DST: variants seen among roughly 807,000 people sequenced by gnomAD.
The protein encoded by DST is dystonin, also known as bullous pemphigoid antigen.
In DST, 253 loss-of-function variants were observed where a neutral mutation model predicts 875.2. That is an observed-to-expected ratio of 0.29 (90% CI 0.26 to 0.32). DST has a LOEUF of 0.32. Among genes scored for constraint, DST ranks in the 10% least tolerant of loss-of-function variants. The pLI is 1.00. For synonymous variants in DST, 3,124 were observed against 3,197.1 expected (o/e 0.98, Z 0.77); for missense variants, 8,287 against 9,111.6 (o/e 0.91, Z 3.68).
intron 31 of DST, 92 bp from the exon 32 acceptor site, chr6:56,629,535 T>G (rs922593239): frequency 4.2e-6 from 4 of 950,786 alleles, no homozygotes; most frequent in Middle Eastern, 3.1e-4. Context: ...TATTTACAAA[T>G]GACAGGTAGA....
chr6:56,478,141 A>G (rs1384468344), intron 90 of DST, among the ~76,000 whole-genome samples: 1 of 152,242 alleles, frequency 6.6e-6, no homozygotes, highest in Non-Finnish European at 1.5e-5. Context: ...CTAGAGATAG[A>G]AACAATACTG....
chr6:56,749,337 G>A (rs990837478), intron 4 of DST, among the ~76,000 whole-genome samples: 4 of 152,152 alleles, frequency 2.6e-5, no homozygotes, highest in Admixed American at 2.6e-4. Flanking sequence ...CTGGGTGACA[G>A]AGTATGACTG....
At chr6:56,627,860 G>T in intron 33 of DST, 139 bp downstream of exon 33, 1 of 809,020 alleles carries the variant, frequency 1.2e-6, no homozygotes, top group Non-Finnish European at 2.0e-6. Flanking sequence ...TGGGTTGCAA[G>T]ATTTTAATAT....
At chr6:56,761,809 AAAG>A (rs1017941895) in intron 4 of DST, among the ~76,000 whole-genome samples, 3 of 152,230 alleles carry the variant, frequency 2.0e-5, no homozygotes, top group African/African-American at 7.2e-5. Context: ...TCAAGTCAAA[AAAG>A]AAGAACTTAC....
chr6:56,562,150 A>G lies in DST; in HGVS notation c.14056T>C (p.Trp4686Arg). ...EGTATNTEEFWANKGLTSIKK... is the reference protein window; with the variant it reads ...EGTATNTEEFRANKGLTSIKK... The stretch of plus-strand genomic sequence containing the variant: ...AATTAATACTCACCTTTATTTGCCC[A>G]AAATTCCTCAGTATTTGTGGCTGTT... The change falls in exon 56 of 104, where the codon TGG becomes CGG. Residue 4686 changes from tryptophan to arginine, a missense_variant. Physicochemically the swap from Trp to Arg is moderately radical, Grantham distance 101. Transcript: ENST00000680361. 6.4e-7 allele frequency: 1 copy of G among 1,550,586 alleles called. No individual in the cohort carries two copies. Among genetic ancestry groups the G allele is most frequent in the Non-Finnish European group, 8.7e-7 (1 of 1,146,226 alleles).
chr6:56,657,562 T>C (rs1174674532), intron 10 of DST, among the ~76,000 whole-genome samples: 3 of 151,980 alleles, frequency 2.0e-5, no homozygotes. Flanking sequence ...AGAATGGTGG[T>C]TGTCAACGGG....
chr6:56,639,193 A>G (rs1587486268), intron 22 of DST, 66 bp downstream of exon 22: 1 of 1,355,974 alleles, frequency 7.4e-7, no homozygotes, highest in Middle Eastern at 1.8e-4. Flanking sequence ...TCTCAGCAAT[A>G]AAAGAATCTG....
chr6:56,604,637 G>C lies in DST; in HGVS notation c.9991C>G (p.Gln3331Glu). 1.9e-6 allele frequency: 3 copies of C among 1,612,522 alleles called. No homozygotes were observed. Among genetic ancestry groups the C allele is most frequent in the Non-Finnish European group, 2.5e-6 (3 of 1,179,132 alleles). ...TCTTGGGATCTTGGAGACAAGGCTT[G>C]TTCTTTTGGTAGCTGTTGCTCAATT... ...ERIEQQLPKE[Q>E]ALSPRSQEKE... is the part of the protein sequence containing the mutation. Residue 3331 changes from glutamine to glutamate, a missense_variant, in exon 40 of 104, where the codon CAA (glutamine) becomes GAA (glutamate). Gln to Glu is a conservative substitution (Grantham distance 29, BLOSUM62 2). This residue lies in a region of DST where 3,138 missense variants were observed against 3,116.6 expected (regional missense o/e 1.01). Transcript: ENST00000680361.
intron 4 of DST, among the ~76,000 whole-genome samples, chr6:56,831,600 T>A (rs1211544659): frequency 6.6e-6 from 1 of 152,164 alleles, no homozygotes; most frequent in East Asian, 1.9e-4. Context: ...TGGTCCACTT[T>A]CGTCACCAAA....
chr6:56,733,487 T>G (rs916719259), intron 5 of DST, among the ~76,000 whole-genome samples: 3 of 152,210 alleles, frequency 2.0e-5, no homozygotes, highest in Non-Finnish European at 4.4e-5. Flanking sequence ...CCAAGTACTA[T>G]GCTTTATGCT....
At chr6:56,825,146 C>G (rs1475569004) in intron 4 of DST, among the ~76,000 whole-genome samples, 4 of 150,854 alleles carry the variant, frequency 2.7e-5, no homozygotes, top group African/African-American at 9.8e-5. Context: ...TCATTTTGTT[C>G]TGTACTAAGA....
In DST at chr6:56,640,343, G is replaced by C. The variant is rs764438763; in HGVS notation, c.2290C>G (p.Pro764Ala). The part of the protein sequence containing the change: ...MTSRLTPSVT[P>A]AYTPGFPSGL... ...GATGGGAAACCAGGTGTATAAGCTGGAGTGACAGATGGAGTCAGGCGGGAA... is the reference window on the plus strand; with the variant it reads ...GATGGGAAACCAGGTGTATAAGCTGCAGTGACAGATGGAGTCAGGCGGGAA... Residue 764 changes from proline (P) to alanine (A), a missense_variant, in exon 18 of 104, where the codon CCA (proline) becomes GCA (alanine). This residue lies in a region of DST where 1,160 missense variants were observed against 1,424.3 expected (regional missense o/e 0.81). Coordinates refer to ENST00000680361, the MANE Select transcript of DST (RefSeq NM_001374736.1). 1 of 1,614,180 alleles carries C rather than the reference G, an allele frequency of 6.2e-7. No individual in the cohort carries two copies. The highest frequency in any genetic ancestry group is 8.5e-7 in the Non-Finnish European group (1 of 1,180,022).
chr6:56,501,602 C>T lies in DST; in HGVS notation c.19658G>A (p.Ser6553Asn). 6.2e-7 allele frequency: 1 copy of T among 1,609,196 alleles called. No individual in the cohort carries two copies. Among genetic ancestry groups the T allele is most frequent in the Non-Finnish European group, 8.5e-7 (1 of 1,177,852 alleles). The change falls in exon 79 of 104, where the codon AGT becomes AAT. Residue 6553 changes from serine (S) to asparagine (N), a missense_variant. This residue lies in a region of DST where 1,292 missense variants were observed against 1,552.7 expected (regional missense o/e 0.83). Coordinates refer to ENST00000680361, the MANE Select transcript of DST (RefSeq NM_001374736.1). The part of the protein sequence containing the change: ...ELLLKKVTEE[S>N]DKHTVQDPLM... ...TGGGTCTTGAACAGTGTGTTTGTCA[C>T]TCTCTTCTGTTACTTTCTTTAGCAA...
intron 2 of DST, among the ~76,000 whole-genome samples, chr6:56,934,565 TA>T (rs1296636285): frequency 1.8e-4 from 17 of 95,474 alleles, no homozygotes; most frequent in African/African-American, 6.3e-4. Flanking sequence ...TTATATTATA[TA>T]TATATATATA....
At chr6:56,468,617 C>G (rs1301176601) in intron 98 of DST, among the ~76,000 whole-genome samples, 1 of 152,090 alleles carries the variant, frequency 6.6e-6, no homozygotes, top group Non-Finnish European at 1.5e-5. Flanking sequence ...AGTTAAACAC[C>G]AATGAGCCTA....
chr6:56,862,493 G>A (rs1221893009), intron 3 of DST, among the ~76,000 whole-genome samples: 4 of 152,106 alleles, frequency 2.6e-5, no homozygotes, highest in Non-Finnish European at 4.4e-5. Flanking sequence ...TGGAAAGCAG[G>A]TGGTGGATGA....
chr6:56,867,135 C>T (rs1227616404), intron 3 of DST, among the ~76,000 whole-genome samples: 2 of 152,166 alleles, frequency 1.3e-5, no homozygotes, highest in Non-Finnish European at 2.9e-5. Context: ...CTAGACCTGG[C>T]CCTGCAGTCT....
intron 85 of DST, among the ~76,000 whole-genome samples, chr6:56,491,937 A>G (rs1446434211): frequency 6.6e-6 from 1 of 152,230 alleles, no homozygotes; most frequent in Non-Finnish European, 1.5e-5. Context: ...CAATAAAAAA[A>G]AATTCTGAGC....
At chr6:56,469,827 T>C in intron 97 of DST, 56 bp downstream of exon 97, 1 of 1,432,616 alleles carries the variant, frequency 7.0e-7, no homozygotes, top group Admixed American at 1.7e-5. Context: ...TCAAATTGTA[T>C]ACAGATTTCA....
Sources: allele counts gnomAD v4.1 joint callset (sites outside exome capture counted in the v4.1 genomes callset), GRCh38; gene constraint gnomAD v4.1.1; regional missense constraint gnomAD v4.1.1; transcripts MANE v1.5; gene names NCBI Gene and HGNC (gene_info 2026-07-23, HGNC 2026-07-21).